The following KRT222 variants were observed in gnomAD, a reference collection of about 807,000 sequenced individuals.
The protein encoded by KRT222 is keratin-like protein KRT222.
In KRT222, 23 loss-of-function variants were observed where a neutral mutation model predicts 35.0. The observed-to-expected ratio is 0.66, with a 90% CI of 0.47 to 0.93. The LOEUF (loss-of-function observed/expected upper bound fraction) is 0.93. Ranked by LOEUF, KRT222 falls within the 40% of genes least tolerant of loss-of-function variation. The pLI is 0.00. For synonymous variants in KRT222, 108 were observed against 118.8 expected (o/e 0.91, Z 0.59); for missense variants, 339 against 346.3 (o/e 0.98, Z 0.17).
chr17:40,657,489 T>A lies in KRT222; in HGVS notation c.524-2A>T. On this transcript the variant is annotated splice_acceptor_variant, in intron 4 of 5. Coordinates refer to ENST00000394052, the MANE Select transcript of KRT222 (RefSeq NM_152349.3). LOFTEE classifies it high-confidence loss of function. ...TAAAAGATATTTCATTTATAATGGC[T>A]GTGAAAATATCATTTATGATATATT... 1 of 1,580,862 alleles carries A rather than the reference T, an allele frequency of 6.3e-7. No homozygotes were observed. Among genetic ancestry groups the A allele is most frequent in the Non-Finnish European group, 8.6e-7 (1 of 1,156,574 alleles).
chr17:40,662,327 G>T (rs2037389077), intron 1 of KRT222, among the ~76,000 whole-genome samples: 1 of 152,172 alleles, frequency 6.6e-6, no homozygotes, highest in Admixed American at 6.5e-5. Context: ...AATGAAAACA[G>T]TTTGCAGGAC....
chr17:40,655,155 C>T lies in KRT222; in HGVS notation c.*1247G>A, dbSNP rs2037336154. 2 of 150,260 alleles carry T rather than the reference C, an allele frequency of 1.3e-5. No individual in the cohort carries two copies. Among genetic ancestry groups the T allele is most frequent in the Admixed American group, 6.6e-5 (1 of 15,068 alleles). 9.3% of individuals were successfully genotyped at this position (150,260 alleles called of 1,614,324 possible). ...TTTAAAGGCTGTACTAAAATGCTAACGTAGCTATAGCCCTTAGATGATACT... is the reference window on the plus strand; with the variant it reads ...TTTAAAGGCTGTACTAAAATGCTAATGTAGCTATAGCCCTTAGATGATACT... On this transcript the variant is annotated 3_prime_UTR_variant, in exon 6 of 6. Transcript: ENST00000394052.
At chr17:40,660,286 T>TC in intron 2 of KRT222, 79 bp from the exon 3 acceptor site, 3 of 667,212 alleles carry the variant, frequency 4.5e-6, no homozygotes, top group Non-Finnish European at 6.3e-6. Flanking sequence ...ATCTTCATCT[T>TC]TTTTTTTTTT....
At position 40,655,274 on chromosome 17, in the gene KRT222, GTATT is replaced by G. The variant is rs1193512630; in HGVS notation, c.*1124_*1127del. The G allele has an allele frequency of 6.6e-6, 1 of 151,552 alleles. No individual in the cohort carries two copies. Among genetic ancestry groups the G allele is most frequent in the Non-Finnish European group, 1.5e-5 (1 of 67,840 alleles). The allele number at this position is 151,552 out of a possible 1,614,324, so 9.4% of individuals were successfully genotyped here. A position where few individuals can be genotyped will look rare whatever the true frequency, so the allele number is the denominator to read the frequency against. On this transcript the variant is annotated 3_prime_UTR_variant, in exon 6 of 6. Transcript: ENST00000394052. ...ATAAATTTCTAATGTCTTAAAACAG[GTATT>G]TATTAAGATCTTAAATATACCTGTA...
chr17:40,656,552 A>G lies in KRT222; in HGVS notation c.738T>C (p.Ser246=). 6 of 1,613,894 alleles carry G rather than the reference A, an allele frequency of 3.7e-6. No individual in the cohort carries two copies. Among genetic ancestry groups the G allele is most frequent in the Non-Finnish European group, 5.1e-6 (6 of 1,179,808 alleles). The change falls in exon 6 of 6, where the codon TCT becomes TCC. Residue 246 remains serine, a synonymous_variant. Coordinates refer to ENST00000394052, the MANE Select transcript of KRT222 (RefSeq NM_152349.3). ...FKDNPRLRKK[S]VSLRFDLHLA... ...AATGAAGATCAAATCGAAGAGAAAC[A>G]GACTTTTTCCTCAATCGAGGGTTAT...
In KRT222 at chr17:40,662,045, C is replaced by G; in HGVS notation, c.97-1G>C. On this transcript the variant is annotated splice_acceptor_variant, in intron 1 of 5. Coordinates refer to ENST00000394052, the MANE Select transcript of KRT222 (RefSeq NM_152349.3). LOFTEE classifies it high-confidence loss of function. The stretch of plus-strand genomic sequence containing the variant: ...TTTTTTTGCTTATGTCTTCTTCTAG[C>G]TAACAAGAAAGCCAACAGCAACAAT... 6.2e-7 allele frequency: 1 copy of G among 1,612,574 alleles called. No individual in the cohort carries two copies. Among genetic ancestry groups the G allele is most frequent in the Admixed American group, 1.7e-5 (1 of 59,656 alleles).
chr17:40,660,360 A>G (rs1156343278), intron 2 of KRT222, among the ~76,000 whole-genome samples, 153 bp from the exon 3 acceptor site: 1 of 151,164 alleles, frequency 6.6e-6, no homozygotes, highest in African/African-American at 2.4e-5. Flanking sequence ...GGTTCACTGG[A>G]AACTCCACCT....
chr17:40,657,635 A>G, intron 4 of KRT222, 39 bp downstream of exon 4: 1 of 1,561,328 alleles, frequency 6.4e-7, no homozygotes, highest in Non-Finnish European at 8.8e-7. Context: ...TAAATAGTAC[A>G]TCACTTTTCA....
chr17:40,663,898 T>C (rs1339475080), intron 1 of KRT222, among the ~76,000 whole-genome samples: 1 of 152,198 alleles, frequency 6.6e-6, no homozygotes, highest in African/African-American at 2.4e-5. Flanking sequence ...CATCTATTGA[T>C]TTTTTTCTTC....
intron 1 of KRT222, among the ~76,000 whole-genome samples, chr17:40,663,321 C>T (rs938325783): frequency 1.3e-5 from 2 of 152,130 alleles, no homozygotes; most frequent in African/African-American, 4.8e-5. Context: ...TTGCTTTAAC[C>T]AGTAGAATGA....
At chr17:40,663,681 T>C (rs1210261730) in intron 1 of KRT222, among the ~76,000 whole-genome samples, 1 of 152,258 alleles carries the variant, frequency 6.6e-6, no homozygotes, top group East Asian at 1.9e-4. Flanking sequence ...AATCAGGCTG[T>C]CTTGAATTTA....
intron 2 of KRT222, among the ~76,000 whole-genome samples, chr17:40,661,291 G>C (rs1339744473): frequency 1.5e-5 from 2 of 134,784 alleles, no homozygotes; most frequent in African/African-American, 5.6e-5. Context: ...TCTGGAGACA[G>C]AGTCTCGCTC....
chr17:40,665,004 C>G lies in KRT222; in HGVS notation c.96G>C (p.Gln32His), dbSNP rs374375026. 1.9e-6 allele frequency: 3 copies of G among 1,613,846 alleles called. No homozygotes were observed. The highest frequency in any genetic ancestry group is 2.5e-6 in the Non-Finnish European group (3 of 1,179,970). ...GTGCCTGTCTGTATGAAATCATTAC[C>G]TGGATCCTTGTTGAGAGCACCGTCT... Reference protein sequence around the residue: ...QIETVLSTRIQLEEDISKKMD... With the variant: ...QIETVLSTRIHLEEDISKKMD... The change falls in exon 1 of 6, where the codon CAG becomes CAC. Residue 32 changes from glutamine to histidine, a missense_variant and splice_region_variant. Gln to His is a conservative substitution (Grantham distance 24). Coordinates refer to ENST00000394052, the MANE Select transcript of KRT222 (RefSeq NM_152349.3).
At position 40,654,895 on chromosome 17, in the gene KRT222, A is replaced by G. The variant is rs71371439; in HGVS notation, c.*1507T>C. The G allele has an allele frequency of 6.6e-6, 1 of 151,422 alleles. No individual in the cohort carries two copies. The highest frequency in any genetic ancestry group is 1.9e-4 in the East Asian group (1 of 5,182). The allele number at this position is 151,422 out of a possible 1,614,324, so 9.4% of individuals were successfully genotyped here. A position where few individuals can be genotyped will look rare whatever the true frequency, so the allele number is the denominator to read the frequency against. ...CAAAACAAAATCATCCCTTTTCACT[A>G]AATAGAATAAACCAGACTAAAAGGA... On this transcript the variant is annotated 3_prime_UTR_variant, in exon 6 of 6. Coordinates refer to ENST00000394052, the MANE Select transcript of KRT222 (RefSeq NM_152349.3).
chr17:40,657,508 A>T lies in KRT222; in HGVS notation c.524-21T>A, dbSNP rs1327537765. 12 of 1,553,524 alleles carry T rather than the reference A, an allele frequency of 7.7e-6. No homozygotes were observed. In the East Asian group the frequency reaches 2.5e-4, roughly 32 times the overall value. ...AATGGCTGTGAAAATATCATTTATG[A>T]TATATTAAATTACAGTATTGAATTA... On this transcript the variant is annotated intron_variant, in intron 4 of 5. Transcript: ENST00000394052.
chr17:40,663,773 C>T (rs1170425502), intron 1 of KRT222, among the ~76,000 whole-genome samples: 2 of 152,182 alleles, frequency 1.3e-5, no homozygotes, highest in African/African-American at 4.8e-5. Context: ...CAAAACTCAC[C>T]GTAGTCTTGC....
chr17:40,658,950 G>A (rs2037362755), intron 3 of KRT222, among the ~76,000 whole-genome samples: 1 of 152,068 alleles, frequency 6.6e-6, no homozygotes, highest in South Asian at 2.1e-4. Flanking sequence ...GCTTTCCGTG[G>A]TTGTAATATA....
At chr17:40,658,817 A>G (rs891634861) in intron 3 of KRT222, among the ~76,000 whole-genome samples, 16 of 152,348 alleles carry the variant, frequency 1.1e-4, no homozygotes, top group African/African-American at 3.8e-4. Flanking sequence ...GTCATGCTCA[A>G]AGCAATATGA....
Position 40,655,156 on chromosome 17 carries a change from G to A in KRT222, c.*1246C>T, listed in dbSNP as rs1192267257. 2.7e-5 allele frequency: 4 copies of A among 150,622 alleles called. No individual in the cohort carries two copies. Among genetic ancestry groups the A allele is most frequent in the East Asian group, 3.9e-4 (2 of 5,144 alleles). 9.3% of individuals were successfully genotyped at this position (150,622 alleles called of 1,614,324 possible). A position where few individuals can be genotyped will look rare whatever the true frequency, so the allele number is the denominator to read the frequency against. On this transcript the variant is annotated 3_prime_UTR_variant, in exon 6 of 6. Transcript: ENST00000394052. ...TTAAAGGCTGTACTAAAATGCTAAC[G>A]TAGCTATAGCCCTTAGATGATACTT...
Sources: allele counts gnomAD v4.1 joint callset (sites outside exome capture counted in the v4.1 genomes callset), GRCh38; gene constraint gnomAD v4.1.1; transcripts MANE v1.5; gene names NCBI Gene and HGNC (gene_info 2026-07-23, HGNC 2026-07-21).